REXO5: variants seen among roughly 807,000 people sequenced by gnomAD.
The protein encoded by REXO5 is RNA exonuclease 5.
Under a neutral mutation model 88.5 loss-of-function variants are expected in REXO5, and 48 were observed. The ratio of observed to expected loss-of-function variants is 0.54; its 90% CI spans 0.43 to 0.69. The LOEUF is 0.69. REXO5 is among the 30% of genes least tolerant of loss of function. REXO5 has a pLI of 0.00. For synonymous variants in REXO5, 311 were observed against 336.5 expected, an observed-to-expected ratio of 0.92 and a Z score of 0.83; for missense variants, 749 against 912.2, an observed-to-expected ratio of 0.82 and a Z score of 2.30.
chr16:20,847,263 A>C (rs1201883245), intron 19 of REXO5, among the ~76,000 whole-genome samples: 1 of 1,156 alleles, frequency 8.7e-4, no homozygotes, highest in Non-Finnish European at 1.2e-3. Flanking sequence ...CACACACACA[A>C]AAAAAAAAAC....
chr16:20,806,518 G>A (rs1175180091), upstream of REXO5: 3 of 1,538,440 alleles, frequency 2.0e-6, no homozygotes, highest in Non-Finnish European at 1.7e-6. Context: ...GCGAGGCTGA[G>A]GGGCGGTTGT....
chr16:20,842,913 C>G (rs181195538), intron 15 of REXO5, among the ~76,000 whole-genome samples: 44 of 152,252 alleles, frequency 2.9e-4, no homozygotes, highest in Admixed American at 7.2e-4. Context: ...TTTGAGGAAC[C>G]ATTATACTGT....
At chr16:20,818,238 ATTTG>A (rs1245274586) in intron 5 of REXO5, among the ~76,000 whole-genome samples, 2 of 151,974 alleles carry the variant, frequency 1.3e-5, no homozygotes, top group Non-Finnish European at 2.9e-5. Flanking sequence ...TTACGTATTT[ATTTG>A]TTTATTATCC....
chr16:20,839,526 C>T (rs1413123249), intron 13 of REXO5, among the ~76,000 whole-genome samples: 4 of 152,014 alleles, frequency 2.6e-5, no homozygotes, highest in African/African-American at 4.8e-5. Flanking sequence ...TTAGTAATGC[C>T]GAAGGTATGG....
intron 2 of REXO5, among the ~76,000 whole-genome samples, chr16:20,812,237 A>G (rs1171040447): frequency 1.3e-5 from 2 of 152,190 alleles, no homozygotes; most frequent in Non-Finnish European, 2.9e-5. Context: ...CGTGGTGACT[A>G]TAGGCCGGGC....
In REXO5 at chr16:20,813,194, C is replaced by A; in HGVS notation, c.143C>A (p.Ala48Asp). The change falls in exon 3 of 20, where the codon GCC becomes GAC. Residue 48 changes from alanine (A) to aspartate (D), a missense_variant. By Grantham distance (126) the Ala-to-Asp change is moderately radical (BLOSUM62 -2). Coordinates refer to ENST00000261377, the MANE Select transcript of REXO5 (RefSeq NM_030941.3). ...CGCCCTGATTAATCTTTGCAGAAAG[C>A]CCGCTTATCTACCATTTTATTTACT... is the stretch of plus-strand genomic sequence containing the variant. ...LEESQPEAKK[A>D]RLSTILFTDN... The A allele has an allele frequency of 6.2e-7, 1 of 1,609,874 alleles. No homozygotes were observed. Among genetic ancestry groups the A allele is most frequent in the Non-Finnish European group, 8.5e-7 (1 of 1,176,200 alleles).
intron 2 of REXO5, among the ~76,000 whole-genome samples, chr16:20,807,738 TAAAAA>T (rs56126602): frequency 1.4e-4 from 20 of 141,960 alleles, no homozygotes; most frequent in African/African-American, 5.0e-4. Flanking sequence ...CCCCATCTCT[TAAAAA>T]AAAAAAACAA....
intron 5 of REXO5, among the ~76,000 whole-genome samples, chr16:20,820,279 C>T (rs1240269097): frequency 6.6e-6 from 1 of 151,896 alleles, no homozygotes; most frequent in Non-Finnish European, 1.5e-5. Context: ...CTCTACATTT[C>T]TGTCTTGCCT....
chr16:20,806,862 C>A, intron 1 of REXO5, 90 bp from the exon 2 acceptor site: 1 of 1,488,850 alleles, frequency 6.7e-7, no homozygotes, highest in South Asian at 1.4e-5. Flanking sequence ...TGAAAGCTGT[C>A]AAGCCCGTGT....
intron 2 of REXO5, among the ~76,000 whole-genome samples, chr16:20,810,096 A>G (rs2080973389): frequency 6.6e-6 from 1 of 152,172 alleles, no homozygotes; most frequent in South Asian, 2.1e-4. Flanking sequence ...TTCCAGGCTC[A>G]TATGTGCTTT....
At chr16:20,821,947 CT>C (rs1300551143) in intron 6 of REXO5, 45 bp downstream of exon 6, 1 of 1,478,036 alleles carries the variant, frequency 6.8e-7, no homozygotes, top group Admixed American at 2.5e-5. Context: ...GTAAGAATAT[CT>C]AACAGCTTAT....
At chr16:20,844,992 G>C in intron 17 of REXO5, 62 bp from the exon 18 acceptor site, 1 of 1,582,840 alleles carries the variant, frequency 6.3e-7, no homozygotes. Context: ...TGGCCAGGCA[G>C]CTTGGATGGT....
chr16:20,846,940 C>A (rs1446082110), intron 19 of REXO5, among the ~76,000 whole-genome samples: 2 of 152,076 alleles, frequency 1.3e-5, no homozygotes, highest in Non-Finnish European at 2.9e-5. Flanking sequence ...AACTGTAAAC[C>A]CTTTCTTTAA....
rs544178765 is a variant in REXO5 at position 20,810,348 on chromosome 16, A to C, written c.139-2842A>C. Among the ~76,000 whole-genome samples, 204 of 152,252 alleles carry C rather than the reference A, an allele frequency of 1.3e-3. 1 individual carries two copies. The highest frequency in any genetic ancestry group is 4.7e-3 in the African/African-American group (196 of 41,564). On this transcript the variant is annotated intron_variant, in intron 2 of 19. Transcript: ENST00000261377. ...TTTACTTATGTGAATTCACATCAGT[A>C]TCTCCACTTTAATCCAAATCCAGTA...
chr16:20,828,330 T>A lies in REXO5; in HGVS notation c.1056-105T>A, dbSNP rs149881626. On this transcript the variant is annotated intron_variant, in intron 10 of 19. Coordinates refer to ENST00000261377, the MANE Select transcript of REXO5 (RefSeq NM_030941.3). ...TTGATTTTTGTGATGCAAATCTAAT[T>A]ATCAGAATTCTAACATTTTATATGT... 725 of 710,262 alleles carry A rather than the reference T, an allele frequency of 1.0e-3. 3 individuals carry two copies. In the African/African-American group the frequency reaches 0.012, roughly 12 times the overall value. 44.0% of individuals were successfully genotyped at this position (710,262 alleles called of 1,614,324 possible).
chr16:20,815,189 A>G, intron 4 of REXO5, 136 bp downstream of exon 4: 1 of 809,784 alleles, frequency 1.2e-6, no homozygotes, highest in Non-Finnish European at 1.8e-6. Context: ...AAGACCTTAG[A>G]GGCCTCATGT....
At chr16:20,814,604 T>C (rs570080307) in intron 3 of REXO5, among the ~76,000 whole-genome samples, 357 of 152,302 alleles carry the variant, frequency 2.3e-3, no homozygotes, top group African/African-American at 8.3e-3. Context: ...GCAGAGTAGG[T>C]TGGTATCTTA....
chr16:20,821,923 A>G (rs748695002), intron 6 of REXO5, 21 bp downstream of exon 6: 1 of 1,531,990 alleles, frequency 6.5e-7, no homozygotes, highest in Non-Finnish European at 8.7e-7. Context: ...GCTTACTCTG[A>G]TATTGCTAAC....
intron 7 of REXO5, chr16:20,825,533 G>A (rs1172326104): frequency 4.4e-6 from 1 of 229,574 alleles, no homozygotes; most frequent in African/African-American, 2.3e-5. Context: ...TTACCTATTA[G>A]TGGTATTTAG....
Sources: gnomAD v4.1 joint callset for allele counts (sites outside exome capture counted in the v4.1 genomes callset) on GRCh38, gnomAD v4.1.1 for gene constraint, MANE v1.5 for transcripts, NCBI Gene and HGNC (gene_info 2026-07-23, HGNC 2026-07-21) for gene names.